UNC13C: variants seen among roughly 807,000 people sequenced by gnomAD.
UNC13C encodes the protein unc-13 homolog C.
Under a neutral mutation model 245.4 loss-of-function variants are expected in UNC13C, and 174 were observed. That is an observed-to-expected ratio of 0.71 (90% confidence interval 0.63 to 0.80). The LOEUF (loss-of-function observed/expected upper bound fraction) is 0.80. Ranked by LOEUF, UNC13C falls within the 30% of genes least tolerant of loss-of-function variation. The pLI is 0.00. For missense variants in UNC13C, 2,829 were observed against 2,602.9 expected (o/e 1.09, Z -1.89); for synonymous variants, 992 against 895.1 (o/e 1.11, Z -1.93).
At chr15:54,624,922 T>G (rs1901039606) in intron 32 of UNC13C, among the ~76,000 whole-genome samples, 1 of 152,098 alleles carries the variant, frequency 6.6e-6, no homozygotes, top group South Asian at 2.1e-4. Context: ...AACCAGGCTA[T>G]TACCATACTT....
chr15:54,275,538 A>G (rs2036809774), intron 10 of UNC13C, among the ~76,000 whole-genome samples: 1 of 151,994 alleles, frequency 6.6e-6, no homozygotes, highest in Non-Finnish European at 1.5e-5. Context: ...TTATTGCTTT[A>G]GAGTTTATTA....
chr15:54,479,417 T>G (rs2141059625), intron 19 of UNC13C, among the ~76,000 whole-genome samples: 1 of 152,282 alleles, frequency 6.6e-6, no homozygotes, highest in African/African-American at 2.4e-5. Context: ...ATTTCCATTT[T>G]TGTGGAATAA....
chr15:54,225,745 A>C (rs552863376), intron 4 of UNC13C, among the ~76,000 whole-genome samples: 5 of 152,196 alleles, frequency 3.3e-5, no homozygotes, highest in Admixed American at 1.3e-4. Flanking sequence ...GGATTATGTC[A>C]TCTGCCAACA....
intron 16 of UNC13C, among the ~76,000 whole-genome samples, chr15:54,335,489 C>T (rs2038550072): frequency 6.6e-6 from 1 of 152,068 alleles, no homozygotes; most frequent in African/African-American, 2.4e-5. Flanking sequence ...ATATAACCAC[C>T]AGAGCAATAA....
At chr15:54,265,898 G>C (rs970362793) in intron 10 of UNC13C, among the ~76,000 whole-genome samples, 17 of 151,916 alleles carry the variant, frequency 1.1e-4, no homozygotes, top group African/African-American at 4.1e-4. Context: ...CCCATCACTT[G>C]GGGTGGAACC....
intron 10 of UNC13C, among the ~76,000 whole-genome samples, chr15:54,277,044 C>G (rs2036851213): frequency 6.6e-6 from 1 of 152,048 alleles, no homozygotes; most frequent in Non-Finnish European, 1.5e-5. Flanking sequence ...TTGCTTCACT[C>G]TTATTTCTCC....
chr15:53,859,999 A>G, the UNC13C span, among the ~76,000 whole-genome samples: 1 of 152,160 alleles, frequency 6.6e-6, no homozygotes, highest in Non-Finnish European at 1.5e-5. Flanking sequence ...CAGTTTTGAT[A>G]AGAAATCCGG....
chr15:54,327,654 G>A (rs964583093), intron 14 of UNC13C, among the ~76,000 whole-genome samples: 79 of 152,146 alleles, frequency 5.2e-4, no homozygotes, highest in Middle Eastern at 6.8e-3. Flanking sequence ...TGAAAGGCAG[G>A]GCTGAAATAA....
chr15:54,327,375 A>C (rs1232555869), intron 14 of UNC13C, among the ~76,000 whole-genome samples: 2 of 152,068 alleles, frequency 1.3e-5, no homozygotes, highest in East Asian at 3.9e-4. Flanking sequence ...AAAAAATTGA[A>C]ATATTATTTT....
intron 19 of UNC13C, among the ~76,000 whole-genome samples, chr15:54,491,358 G>GA (rs550133521): frequency 0.07 from 10,548 of 151,148 alleles, 477 homozygotes; most frequent in Middle Eastern, 0.1. Flanking sequence ...CCTACCAAAG[G>GA]AAAAAAAAAC....
chr15:53,895,064 T>C, the UNC13C span, among the ~76,000 whole-genome samples: 1 of 152,102 alleles, frequency 6.6e-6, no homozygotes, highest in Non-Finnish European at 1.5e-5. Flanking sequence ...GGATCATTCC[T>C]TAGAAATTTT....
the UNC13C span, among the ~76,000 whole-genome samples, chr15:53,904,135 T>C: frequency 1.3e-5 from 2 of 152,194 alleles, no homozygotes; most frequent in Non-Finnish European, 2.9e-5. Context: ...TCTTGTTGGA[T>C]GTTCAATAAG....
chr15:54,466,972 T>G (rs1892205312), intron 19 of UNC13C, among the ~76,000 whole-genome samples: 1 of 151,872 alleles, frequency 6.6e-6, no homozygotes, highest in Non-Finnish European at 1.5e-5. Context: ...CCAGAGCTAC[T>G]GTATTGACCA....
chr15:54,274,936 C>A (rs1223605241), intron 10 of UNC13C, among the ~76,000 whole-genome samples: 4 of 152,074 alleles, frequency 2.6e-5, no homozygotes, highest in Admixed American at 6.6e-5. Context: ...TCCCAAAGTG[C>A]TGGGATTATA....
chr15:54,008,901 T>C (rs778892328), intron 1 of UNC13C, among the ~76,000 whole-genome samples: 10 of 152,220 alleles, frequency 6.6e-5, no homozygotes, highest in African/African-American at 2.2e-4. Context: ...GAATCTCTTA[T>C]CTCCTCATAT....
the UNC13C span, among the ~76,000 whole-genome samples, chr15:53,960,299 C>A: frequency 2.6e-5 from 4 of 151,584 alleles, no homozygotes; most frequent in South Asian, 8.3e-4. Context: ...AGCAGACTAA[C>A]CAAGTCTGAA....
intron 19 of UNC13C, among the ~76,000 whole-genome samples, chr15:54,440,877 T>C (rs990253765): frequency 6.6e-6 from 1 of 152,124 alleles, no homozygotes; most frequent in Non-Finnish European, 1.5e-5. Context: ...TGATATCTCA[T>C]TGTGGTTTTG....
At chr15:53,927,979 A>G in the UNC13C span, among the ~76,000 whole-genome samples, 1 of 152,190 alleles carries the variant, frequency 6.6e-6, no homozygotes, top group Non-Finnish European at 1.5e-5. Context: ...AAGTACTCAA[A>G]GTTTGACAAC....
intron 1 of UNC13C, among the ~76,000 whole-genome samples, chr15:53,985,815 G>T (rs995459621): frequency 4.2e-4 from 64 of 152,092 alleles, no homozygotes; most frequent in African/African-American, 1.5e-3. Flanking sequence ...TACTACTTTC[G>T]TCTGGTTTTT....
Sources: gnomAD v4.1 joint callset for allele counts (sites outside exome capture counted in the v4.1 genomes callset) on GRCh38, gnomAD v4.1.1 for gene constraint, MANE v1.5 for transcripts, NCBI Gene and HGNC (gene_info 2026-07-23, HGNC 2026-07-21) for gene names.